SCCPDH: variants seen among roughly 807,000 people sequenced by gnomAD.
SCCPDH encodes saccharopine dehydrogenase-like oxidoreductase.
SCCPDH carries 34 observed loss-of-function variants against 51.5 expected under a neutral mutation model. That is an observed-to-expected ratio of 0.66 (90% CI 0.50 to 0.88). SCCPDH has a LOEUF of 0.88. Ranked by LOEUF, SCCPDH falls within the 40% of genes least tolerant of loss-of-function variation. The pLI is 0.00. For synonymous variants in SCCPDH, 187 were observed against 191.3 expected (o/e 0.98, Z 0.19); for missense variants, 464 against 527.1 (o/e 0.88, Z 1.17).
Position 246,727,150 on chromosome 1 carries a change from A to G in SCCPDH, c.303+146A>G, listed in dbSNP as rs1668412800. The G allele has an allele frequency of 7.5e-5, 49 of 649,012 alleles. No individual in the cohort carries two copies. The South Asian group carries it at 9.4e-4, about 12-fold the overall frequency. The allele number at this position is 649,012 out of a possible 1,614,324, so 40.2% of individuals were successfully genotyped here. A position where few individuals can be genotyped will look rare whatever the true frequency, so the allele number is the denominator to read the frequency against. On this transcript the variant is annotated intron_variant, in intron 2 of 11. Coordinates refer to ENST00000366510, the MANE Select transcript of SCCPDH (RefSeq NM_016002.3). ...GGAGTTTTTTCTTCTTGCGAGGAGC[A>G]GCTGGAGATGACCAAAGTCTCCTGA...
intron 2 of SCCPDH, among the ~76,000 whole-genome samples, chr1:246,734,326 C>T (rs1415780600): frequency 6.6e-6 from 1 of 152,214 alleles, no homozygotes; most frequent in Non-Finnish European, 1.5e-5. Context: ...CTGTTTTAAT[C>T]TCAACTTTAG....
rs556038047 is a variant in SCCPDH at position 246,761,187 on chromosome 1, C to G, written c.990+960C>G. Among the ~76,000 whole-genome samples, 16 of 152,278 alleles carry G rather than the reference C, an allele frequency of 1.1e-4. No individual in the cohort carries two copies. In the South Asian group the frequency reaches 1.9e-3, roughly 18 times the overall value. ...TGTTCCCTGTACAAGGCTAATCCCC[C>G]GCCTGTGCACTTAATGTAGGCACTG... On this transcript the variant is annotated intron_variant, in intron 9 of 11. Transcript: ENST00000366510.
chr1:246,742,728 C>G (rs1188315451), intron 4 of SCCPDH, among the ~76,000 whole-genome samples: 1 of 152,072 alleles, frequency 6.6e-6, no homozygotes, highest in Non-Finnish European at 1.5e-5. Context: ...TTAATTTTCT[C>G]TTAGAATTAA....
chr1:246,727,897 T>C (rs1668426365), intron 2 of SCCPDH, among the ~76,000 whole-genome samples: 1 of 152,164 alleles, frequency 6.6e-6, no homozygotes. Context: ...TGGATTTTTT[T>C]TCCAGGTGTG....
At chr1:246,738,902 T>C (rs1668637690) in intron 3 of SCCPDH, among the ~76,000 whole-genome samples, 3 of 152,262 alleles carry the variant, frequency 2.0e-5, no homozygotes. Flanking sequence ...CAAATCTTCT[T>C]TGTGGAAGAA....
At chr1:246,761,981 G>A (rs141355058) in intron 9 of SCCPDH, among the ~76,000 whole-genome samples, 1 of 152,320 alleles carries the variant, frequency 6.6e-6, no homozygotes, top group East Asian at 1.9e-4. Flanking sequence ...GTTCTGCAGA[G>A]CTGCTGCACC....
chr1:246,744,199 T>C lies in SCCPDH; in HGVS notation c.564+74T>C, dbSNP rs1387118405. The stretch of plus-strand genomic sequence containing the variant: ...ATTTTGGAAATGATACATGTGTCTT[T>C]TAGGTATGTATAATTTTTAATGTGT... On this transcript the variant is annotated intron_variant, in intron 5 of 11. Transcript: ENST00000366510. 3 of 821,014 alleles carry C rather than the reference T, an allele frequency of 3.7e-6. No homozygotes were observed. In the Admixed American group the frequency reaches 7.2e-5, roughly 20 times the overall value. The allele number at this position is 821,014 out of a possible 1,614,324, so 50.9% of individuals were successfully genotyped here.
chr1:246,764,405 G>A (rs1384220864), intron 10 of SCCPDH, 48 bp downstream of exon 10: 1 of 1,037,952 alleles, frequency 9.6e-7, no homozygotes, highest in East Asian at 2.4e-5. Context: ...ATACTCTTAA[G>A]CTATAAAGTA....
At chr1:246,760,430 G>C (rs1668995063) in intron 9 of SCCPDH, among the ~76,000 whole-genome samples, 1 of 152,150 alleles carries the variant, frequency 6.6e-6, no homozygotes, top group Non-Finnish European at 1.5e-5. Context: ...GAGGCACACA[G>C]AGGCTAAGAA....
chr1:246,735,936 C>A, intron 2 of SCCPDH, 39 bp from the exon 3 acceptor site: 1 of 1,356,396 alleles, frequency 7.4e-7, no homozygotes, highest in South Asian at 1.2e-5. Context: ...TTAAACTTGT[C>A]AAGCAAGAAT....
chr1:246,729,536 C>G (rs1280983380), intron 2 of SCCPDH, among the ~76,000 whole-genome samples: 4 of 152,200 alleles, frequency 2.6e-5, no homozygotes, highest in African/African-American at 9.6e-5. Context: ...CGCAGGCAGT[C>G]AGACATTATG....
intron 5 of SCCPDH, among the ~76,000 whole-genome samples, chr1:246,750,084 G>A (rs961812800): frequency 2.7e-4 from 41 of 152,304 alleles, no homozygotes; most frequent in African/African-American, 7.2e-4. Flanking sequence ...TTGGACCCAG[G>A]TGTAATGAGT....
chr1:246,732,937 G>A (rs375482940), intron 2 of SCCPDH, among the ~76,000 whole-genome samples: 34 of 152,298 alleles, frequency 2.2e-4, no homozygotes, highest in African/African-American at 7.7e-4. Flanking sequence ...CTGGATGTAA[G>A]TGTGGCCTGA....
intron 5 of SCCPDH, among the ~76,000 whole-genome samples, chr1:246,746,107 C>CAAAAAAAAAAAAA (rs756929255): frequency 1.3e-5 from 1 of 79,572 alleles, no homozygotes; most frequent in African/African-American, 7.0e-5. Context: ...GACTCCATCT[C>CAAAAAAAAAAAAA]AAAAAAAAAA....
chr1:246,768,057 T>C lies in SCCPDH; in HGVS notation c.*757T>C, dbSNP rs1558176896. The C allele has an allele frequency of 6.6e-6, 1 of 152,128 alleles. No homozygotes were observed. The highest frequency in any genetic ancestry group is 2.4e-5 in the African/African-American group (1 of 41,424). The allele number at this position is 152,128 out of a possible 1,614,324, so 9.4% of individuals were successfully genotyped here. A position where few individuals can be genotyped will look rare whatever the true frequency, so the allele number is the denominator to read the frequency against. On this transcript the variant is annotated 3_prime_UTR_variant, in exon 12 of 12. Transcript: ENST00000366510. ...ATTTACTTTTTGTATTTTAACTAGG[T>C]TTTACATGGAAGCCCTAAAATAAGG...
rs976428352 is a variant in SCCPDH, at chr1:246,731,412, TGCCA to T, written c.303+4410_303+4413del. On this transcript the variant is annotated intron_variant, in intron 2 of 11. Coordinates refer to ENST00000366510, the MANE Select transcript of SCCPDH (RefSeq NM_016002.3). ...AGCTCATTAATACTTCACTGCAGCC[TGCCA>T]GTACTCATAGATACACTGCCTAGCT... 1.8e-4 allele frequency among the ~76,000 whole-genome samples: 27 copies of T among 152,218 alleles called. 2 individuals are homozygous for T. The highest frequency in any genetic ancestry group is 1.7e-3 in the Admixed American group (26 of 15,286).
intron 5 of SCCPDH, among the ~76,000 whole-genome samples, chr1:246,756,325 AT>A (rs1381003738): frequency 3.9e-5 from 6 of 152,144 alleles, no homozygotes; most frequent in Non-Finnish European, 7.3e-5. Flanking sequence ...AAAGAAAAGA[AT>A]TTTTCTTGAT....
chr1:246,740,209 C>T lies in SCCPDH; in HGVS notation c.422C>T (p.Ala141Val), dbSNP rs781126329. The change falls in exon 4 of 12, where the codon GCT becomes GTT. Residue 141 changes from alanine (A) to valine (V), a missense_variant. Physicochemically the swap from Ala to Val is moderately conservative, Grantham distance 64. Coordinates refer to ENST00000366510, the MANE Select transcript of SCCPDH (RefSeq NM_016002.3). ...ATGCAACTGAAGTATCATGAGAAAG[C>T]TGCAGACAAAGGGGTTTATATCATT... ...ELMQLKYHEKAADKGVYIIGS... is the reference protein window; with the variant it reads ...ELMQLKYHEKVADKGVYIIGS... 1.2e-6 allele frequency: 2 copies of T among 1,605,858 alleles called. No individual in the cohort carries two copies. The highest frequency in any genetic ancestry group is 2.2e-5 in the South Asian group (2 of 90,050).
intron 10 of SCCPDH, 97 bp from the exon 11 acceptor site, chr1:246,765,961 C>T: frequency 3.8e-6 from 3 of 783,984 alleles, no homozygotes; most frequent in Non-Finnish European, 4.2e-6. Flanking sequence ...ATCTGCACAC[C>T]TAGAGTAAGA....
Sources: gnomAD v4.1 joint callset for allele counts (sites outside exome capture counted in the v4.1 genomes callset) on GRCh38, gnomAD v4.1.1 for gene constraint, MANE v1.5 for transcripts, NCBI Gene and HGNC (gene_info 2026-07-23, HGNC 2026-07-21) for gene names.